RALY: variants seen among roughly 807,000 people sequenced by gnomAD.
RALY encodes the protein RALY heterogeneous nuclear ribonucleoprotein, also known as RNA-binding protein Raly.
Under a neutral mutation model 30.7 loss-of-function variants are expected in RALY, and 15 were observed. The observed-to-expected ratio is 0.49, with a 90% CI of 0.33 to 0.75. RALY has a LOEUF of 0.75. Ranked by LOEUF, RALY falls within the 30% of genes least tolerant of loss-of-function variation. The pLI is 0.02. For missense variants in RALY, 339 were observed against 414.3 expected (o/e 0.82, Z 1.58); for synonymous variants, 177 against 170.8 (o/e 1.04, Z -0.28).
chr20:34,065,640 A>G (rs369997754), intron 2 of RALY, among the ~76,000 whole-genome samples: 12 of 152,238 alleles, frequency 7.9e-5, no homozygotes, highest in African/African-American at 2.9e-4. Context: ...TGGTAAAAGC[A>G]GGAGCCTCTG....
chr20:34,059,358 C>T (rs142693999), intron 2 of RALY, among the ~76,000 whole-genome samples: 1 of 152,320 alleles, frequency 6.6e-6, no homozygotes, highest in Non-Finnish European at 1.5e-5. Context: ...CCATCCAGCC[C>T]TTGCTTCCAG....
intron 5 of RALY, among the ~76,000 whole-genome samples, chr20:34,075,241 G>C (rs1601512500): frequency 6.6e-6 from 1 of 152,122 alleles, no homozygotes; most frequent in Admixed American, 6.5e-5. Context: ...TAAGGAAAGG[G>C]CTTAGAGTTC....
chr20:34,028,516 AAC>A (rs1471002090), intron 1 of RALY, among the ~76,000 whole-genome samples: 1 of 151,576 alleles, frequency 6.6e-6, no homozygotes, highest in Non-Finnish European at 1.5e-5. Context: ...CATCCTGGCT[AAC>A]ACGGTGAAAC....
chr20:34,058,705 TC>T (rs2033329211), intron 2 of RALY, among the ~76,000 whole-genome samples: 1 of 152,172 alleles, frequency 6.6e-6, no homozygotes, highest in Non-Finnish European at 1.5e-5. Flanking sequence ...TAATGAGATG[TC>T]CAAGGTCACA....
At chr20:34,038,280 G>A (rs2032574575) in intron 2 of RALY, among the ~76,000 whole-genome samples, 2 of 152,196 alleles carry the variant, frequency 1.3e-5, no homozygotes, top group Admixed American at 1.3e-4. Flanking sequence ...GATTTTGGCT[G>A]TGGCAGTGAG....
At chr20:34,034,658 A>C (rs2032411686) in intron 2 of RALY, among the ~76,000 whole-genome samples, 1 of 152,244 alleles carries the variant, frequency 6.6e-6, no homozygotes, top group South Asian at 2.1e-4. Context: ...GAAGTAAAGC[A>C]TTGTCATCCT....
chr20:34,056,654 A>G (rs2033253709), intron 2 of RALY, among the ~76,000 whole-genome samples: 1 of 152,232 alleles, frequency 6.6e-6, no homozygotes, highest in Non-Finnish European at 1.5e-5. Flanking sequence ...TGTAGACTCA[A>G]AAGCTAGTAA....
chr20:34,030,862 A>G (rs901723061), intron 1 of RALY, among the ~76,000 whole-genome samples: 1 of 152,122 alleles, frequency 6.6e-6, no homozygotes, highest in Admixed American at 6.5e-5. Flanking sequence ...CTCTTCCCTC[A>G]GATCTTTTCA....
chr20:34,075,770 G>A, intron 5 of RALY, 104 bp from the exon 6 acceptor site: 3 of 1,305,192 alleles, frequency 2.3e-6, no homozygotes, highest in Admixed American at 2.4e-5. Flanking sequence ...TGTAGTGCAG[G>A]CCTCCCAGCC....
At chr20:34,062,143 G>C (rs1430991286) in intron 2 of RALY, among the ~76,000 whole-genome samples, 1 of 151,834 alleles carries the variant, frequency 6.6e-6, no homozygotes, top group Non-Finnish European at 1.5e-5. Flanking sequence ...CTAGGAACCA[G>C]GGACTTTATT....
Position 34,083,858 on chromosome 20 carries a change from A to G in RALY, c.*3953A>G. Reference sequence around the variant, plus strand: ...TCTGAGCCAGGCATCCTTGGTTTTCATCCCAACCAGATCATTGATTGATTG... The same window carrying G: ...TCTGAGCCAGGCATCCTTGGTTTTCGTCCCAACCAGATCATTGATTGATTG... On this transcript the variant is annotated 3_prime_UTR_variant, in exon 10 of 10. Transcript: ENST00000246194. 1 of 152,242 alleles carries G rather than the reference A, an allele frequency of 6.6e-6. No individual in the cohort carries two copies. Among genetic ancestry groups the G allele is most frequent in the East Asian group, 1.9e-4 (1 of 5,194 alleles). The allele number at this position is 152,242 out of a possible 1,614,324, so 9.4% of individuals were successfully genotyped here. A position where few individuals can be genotyped will look rare whatever the true frequency, so the allele number is the denominator to read the frequency against.
intron 1 of RALY, among the ~76,000 whole-genome samples, chr20:34,023,541 G>T (rs1238828242): frequency 1.3e-5 from 2 of 152,106 alleles, no homozygotes; most frequent in Non-Finnish European, 2.9e-5. Flanking sequence ...TGGTGGGGAG[G>T]CCTGTCCTTG....
intron 1 of RALY, among the ~76,000 whole-genome samples, chr20:34,001,044 T>C (rs2030891260): frequency 6.6e-6 from 1 of 152,208 alleles, no homozygotes; most frequent in African/African-American, 2.4e-5. Context: ...AAATTCTGGG[T>C]TCACAAAAGA....
intron 2 of RALY, among the ~76,000 whole-genome samples, chr20:34,066,158 T>C (rs1187986821): frequency 6.6e-6 from 1 of 151,150 alleles, no homozygotes. Context: ...TCACTTATCT[T>C]TGCTGATCCT....
chr20:33,997,450 C>G (rs1468339442), intron 1 of RALY, among the ~76,000 whole-genome samples: 2 of 152,098 alleles, frequency 1.3e-5, no homozygotes, highest in African/African-American at 4.8e-5. Context: ...GATAACTCCC[C>G]ACCCTCACCT....
At chr20:34,001,357 G>C (rs2030907686) in intron 1 of RALY, among the ~76,000 whole-genome samples, 1 of 152,218 alleles carries the variant, frequency 6.6e-6, no homozygotes, top group Middle Eastern at 3.2e-3. Context: ...AGCTTATGGA[G>C]TAGATGCCTC....
intron 1 of RALY, among the ~76,000 whole-genome samples, chr20:34,003,919 G>A (rs956144142): frequency 2.6e-5 from 4 of 152,204 alleles, no homozygotes; most frequent in African/African-American, 9.7e-5. Flanking sequence ...GATTACAGGC[G>A]TGAGCCACCG....
intron 1 of RALY, among the ~76,000 whole-genome samples, chr20:34,009,532 C>T (rs1181710943): frequency 6.6e-6 from 1 of 151,960 alleles, no homozygotes; most frequent in Non-Finnish European, 1.5e-5. Flanking sequence ...CACCACGCCC[C>T]AGCCTCTACC....
At chr20:34,045,369 G>C (rs2032844806) in intron 2 of RALY, among the ~76,000 whole-genome samples, 1 of 152,178 alleles carries the variant, frequency 6.6e-6, no homozygotes, top group African/African-American at 2.4e-5. Context: ...GCTGAGAGAA[G>C]GGCAGGTGAA....
Sources: gnomAD v4.1 joint callset for allele counts (sites outside exome capture counted in the v4.1 genomes callset) on GRCh38, gnomAD v4.1.1 for gene constraint, MANE v1.5 for transcripts, NCBI Gene and HGNC (gene_info 2026-07-23, HGNC 2026-07-21) for gene names.